Variants in KMT2C observed in about 807,000 individuals in gnomAD.
The protein encoded by KMT2C is lysine methyltransferase 2C.
Under a neutral mutation model 507.9 loss-of-function variants are expected in KMT2C, and 88 were observed. That is an observed-to-expected ratio of 0.17 (90% CI 0.15 to 0.21). KMT2C has a LOEUF of 0.21. Among genes scored for constraint, KMT2C ranks in the 10% least tolerant of loss-of-function variants. KMT2C has a pLI of 1.00. For missense variants in KMT2C, 4,954 were observed against 5,957.8 expected (o/e 0.83, Z 5.55); for synonymous variants, 2,049 against 2,080.8 (o/e 0.98, Z 0.42).
chr7:152,288,229 T>G, intron 6 of KMT2C, among the ~76,000 whole-genome samples: 1 of 121,132 alleles, frequency 8.3e-6, no homozygotes, highest in African/African-American at 3.0e-5. Context: ...TGAACTGATT[T>G]AAAAAAAAAA....
chr7:152,169,039 G>A (rs1197733326), intron 41 of KMT2C, 147 bp downstream of exon 41: 7 of 519,798 alleles, frequency 1.3e-5, no homozygotes, highest in Non-Finnish European at 2.1e-5. Context: ...AAGAAGAGTT[G>A]CCTAATAGGG....
Position 152,248,481 on chromosome 7 carries a change from T to C in KMT2C, c.1953A>G (p.Glu651=), listed in dbSNP as rs749700621. 7 of 1,613,944 alleles carry C rather than the reference T, an allele frequency of 4.3e-6. No individual in the cohort carries two copies. In the Admixed American group the frequency reaches 1.2e-4, roughly 27 times the overall value. The change falls in exon 14 of 59, where the codon GAA becomes GAG. Residue 651 remains glutamate (E), a synonymous_variant. Transcript: ENST00000262189. ...DQIEDKMEVT[E]NIEVVTHQIT... is the part of the protein sequence containing the mutation. ...TCTGGTGTGTAACGACTTCAATGTT[T>C]TCTGTCACTTCCATTTTATCTTCAA...
At chr7:152,276,570 T>G (rs1709532292) in intron 6 of KMT2C, among the ~76,000 whole-genome samples, 1 of 152,030 alleles carries the variant, frequency 6.6e-6, no homozygotes, top group Admixed American at 6.5e-5. Flanking sequence ...CTGGGCAACA[T>G]GGTGAAACTC....
intron 9 of KMT2C, among the ~76,000 whole-genome samples, chr7:152,253,178 G>A (rs988472924): frequency 1.6e-4 from 24 of 152,168 alleles, no homozygotes; most frequent in Non-Finnish European, 3.1e-4. Flanking sequence ...CTTTTAAAAA[G>A]CTGTTTTCAA....
At chr7:152,398,492 T>C (rs2097550524) in intron 1 of KMT2C, among the ~76,000 whole-genome samples, 1 of 152,190 alleles carries the variant, frequency 6.6e-6, no homozygotes, top group South Asian at 2.1e-4. Context: ...AAGTCAAGGA[T>C]ACAGTAATTG....
At chr7:152,159,700 CTTTATT>C (rs1212143578) in intron 43 of KMT2C, among the ~76,000 whole-genome samples, 2 of 152,124 alleles carry the variant, frequency 1.3e-5, no homozygotes, top group Non-Finnish European at 2.9e-5. Flanking sequence ...TAAACCTTTT[CTTTATT>C]TTTATCATTA....
intron 23 of KMT2C, among the ~76,000 whole-genome samples, chr7:152,219,200 C>T (rs1420451164): frequency 6.6e-6 from 1 of 152,100 alleles, no homozygotes; most frequent in African/African-American, 2.4e-5. Context: ...GAACTCCTGA[C>T]CACAAGTGAT....
At chr7:152,376,815 G>A (rs2097331685) in intron 1 of KMT2C, among the ~76,000 whole-genome samples, 1 of 152,300 alleles carries the variant, frequency 6.6e-6, no homozygotes, top group South Asian at 2.1e-4. Context: ...TAAACAAGGT[G>A]TTTTATGTAG....
In KMT2C at chr7:152,207,574, A is replaced by G. The variant is rs541045365; in HGVS notation, c.3713-146T>C. On this transcript the variant is annotated intron_variant, in intron 23 of 58. Transcript: ENST00000262189. Reference sequence around the variant, plus strand: ...TAGGGAAAGTATGAAAGGAGATAGAAGAAGCCCCAAATGGTTGTAGAAATT... The same window carrying G: ...TAGGGAAAGTATGAAAGGAGATAGAGGAAGCCCCAAATGGTTGTAGAAATT... The G allele has an allele frequency of 1.9e-4, 128 of 687,750 alleles. No homozygotes were observed. In the African/African-American group the frequency reaches 2.3e-3, roughly 12 times the overall value. The allele number at this position is 687,750 out of a possible 1,614,324, so 42.6% of individuals were successfully genotyped here. A position where few individuals can be genotyped will look rare whatever the true frequency, so the allele number is the denominator to read the frequency against.
chr7:152,250,055 A>G, intron 12 of KMT2C, 102 bp from the exon 13 acceptor site: 1 of 667,600 alleles, frequency 1.5e-6, no homozygotes, highest in Non-Finnish European at 2.7e-6. Context: ...ACTAAATGTC[A>G]ATTTCCAATA....
intron 7 of KMT2C, among the ~76,000 whole-genome samples, chr7:152,273,417 G>A (rs961321745): frequency 1.3e-5 from 2 of 152,060 alleles, no homozygotes; most frequent in African/African-American, 4.8e-5. Flanking sequence ...ATACTGCATA[G>A]TCCCTATTTA....
At chr7:152,307,282 G>A (rs866094028) in intron 6 of KMT2C, among the ~76,000 whole-genome samples, 22 of 123,106 alleles carry the variant, frequency 1.8e-4, no homozygotes, top group South Asian at 1.4e-3. Context: ...AGAAAGAAAG[G>A]AAGGAAGGAA....
intron 13 of KMT2C, among the ~76,000 whole-genome samples, 175 bp downstream of exon 13, chr7:152,249,701 C>CAAAAAAAAAAAAAAAAAAAAA (rs2095533885): frequency 8.3e-6 from 1 of 121,188 alleles, no homozygotes; most frequent in East Asian, 2.6e-4. Context: ...AAAAAAAAAC[C>CAAAAAAAAAAAAAAAAAAAAA]TTTCAAGAGA....
At chr7:152,380,936 G>A (rs1328013928) in intron 1 of KMT2C, among the ~76,000 whole-genome samples, 4 of 152,148 alleles carry the variant, frequency 2.6e-5, no homozygotes, top group African/African-American at 7.2e-5. Context: ...CCCAAGCTAC[G>A]AAACTGGAAC....
At chr7:152,200,727 CA>C (rs1001345979) in intron 26 of KMT2C, among the ~76,000 whole-genome samples, 1 of 150,348 alleles carries the variant, frequency 6.7e-6, no homozygotes, top group African/African-American at 2.4e-5. Context: ...GAGGCTGTCT[CA>C]AAAAAAAATT....
chr7:152,250,430 T>C (rs1452569994), intron 12 of KMT2C, among the ~76,000 whole-genome samples: 1 of 152,164 alleles, frequency 6.6e-6, no homozygotes, highest in Non-Finnish European at 1.5e-5. Flanking sequence ...ATAGCTCTTA[T>C]CAATATTTAC....
At chr7:152,294,195 C>A (rs923274632) in intron 6 of KMT2C, among the ~76,000 whole-genome samples, 4 of 152,124 alleles carry the variant, frequency 2.6e-5, no homozygotes, top group Non-Finnish European at 5.9e-5. Flanking sequence ...TAGATATATG[C>A]CTAACGGCAT....
intron 36 of KMT2C, 27 bp from the exon 37 acceptor site, chr7:152,180,153 G>A (rs780444027): frequency 3.7e-6 from 6 of 1,611,162 alleles, no homozygotes; most frequent in South Asian, 3.3e-5. Context: ...AAAAATCACT[G>A]GGATTTGTGG....
chr7:152,428,471 A>C (rs954624952), intron 1 of KMT2C, among the ~76,000 whole-genome samples: 3 of 150,210 alleles, frequency 2.0e-5, no homozygotes, highest in Admixed American at 1.3e-4. Flanking sequence ...AAAAAAAAAA[A>C]AAAAAAAAAA....
Sources: allele counts gnomAD v4.1 joint callset (sites outside exome capture counted in the v4.1 genomes callset), GRCh38; gene constraint gnomAD v4.1.1; transcripts MANE v1.5; gene names NCBI Gene and HGNC (gene_info 2026-07-23, HGNC 2026-07-21).